GLI3: variants seen among roughly 807,000 people sequenced by gnomAD.
The protein encoded by GLI3 is transcription activator GLI3.
Under a neutral mutation model 100.8 loss-of-function variants are expected in GLI3, and 20 were observed. That is an observed-to-expected ratio of 0.20 (90% CI 0.14 to 0.29). The LOEUF is 0.29. Among genes scored for constraint, GLI3 ranks in the 10% least tolerant of loss-of-function variants. The pLI, the probability that GLI3 is intolerant of heterozygous loss-of-function variation, is 1.00. For synonymous variants in GLI3, 938 were observed against 860.5 expected (o/e 1.09, Z -1.58); for missense variants, 2,040 against 2,128.5 (o/e 0.96, Z 0.82).
At chr7:42,033,169 C>A (rs369510864) in intron 7 of GLI3, among the ~76,000 whole-genome samples, 2 of 152,324 alleles carry the variant, frequency 1.3e-5, no homozygotes, top group East Asian at 3.9e-4. Context: ...GGTAATCACA[C>A]TCCATCACAA....
At chr7:42,186,314 G>A (rs780800503) in intron 2 of GLI3, among the ~76,000 whole-genome samples, 15 of 152,162 alleles carry the variant, frequency 9.9e-5, no homozygotes, top group Non-Finnish European at 1.6e-4. Context: ...CACCCTAGTT[G>A]GAATTCCTTA....
intron 3 of GLI3, among the ~76,000 whole-genome samples, chr7:42,078,879 G>A (rs566189187): frequency 8.1e-4 from 123 of 151,916 alleles, no homozygotes; most frequent in Admixed American, 1.2e-3. Context: ...ACAGGCGCCC[G>A]CCACCACGCC....
At chr7:42,092,466 G>A (rs987462529) in intron 3 of GLI3, among the ~76,000 whole-genome samples, 1 of 152,172 alleles carries the variant, frequency 6.6e-6, no homozygotes, top group Non-Finnish European at 1.5e-5. Flanking sequence ...GCTCAGAAGT[G>A]GAGACAACGC....
intron 2 of GLI3, among the ~76,000 whole-genome samples, chr7:42,184,981 A>G (rs7810189): frequency 0.13 from 19,264 of 152,074 alleles, 1,584 homozygotes; most frequent in Non-Finnish European, 0.18. Context: ...AACATCCTGC[A>G]CACAAAACTC....
Position 41,966,235 on chromosome 7 carries a change from G to T in GLI3, c.2838C>A (p.Pro946=). The T allele has an allele frequency of 6.2e-7, 1 of 1,608,908 alleles. No homozygotes were observed. ...TCTTCAGGCTCATCCTCTCCATGTTGGGCAGGGGCGTCGGCGGCGGCCCTC... is the reference window on the plus strand; with the variant it reads ...TCTTCAGGCTCATCCTCTCCATGTTTGGCAGGGGCGTCGGCGGCGGCCCTC... ...ATGGPPPTPL[P]NMERMSLKTR... Residue 946 remains proline, a synonymous_variant, in exon 15 of 15, where the codon CCC becomes CCA. Transcript: ENST00000395925. The surrounding 1 kb of genome is among the most constrained non-coding windows in gnomAD (Gnocchi z 5.8).
chr7:42,254,351 A>G (rs1789064629), intron 1 of GLI3, among the ~76,000 whole-genome samples: 1 of 152,196 alleles, frequency 6.6e-6, no homozygotes, highest in Admixed American at 6.5e-5. Flanking sequence ...GCCATAGCGA[A>G]AGAGTGGCCA....
At chr7:42,070,733 T>C (rs186226403) in intron 4 of GLI3, among the ~76,000 whole-genome samples, 1 of 152,370 alleles carries the variant, frequency 6.6e-6, no homozygotes, top group South Asian at 2.1e-4. Flanking sequence ...TCTATTCATC[T>C]CTTTTTTGCC....
In GLI3 at chr7:41,964,188, A is replaced by C. The variant is rs1787090343; in HGVS notation, c.*142T>G. ...TTTCAGAGTCCTTTTCCATAAAAGGAATATAATTGAAACACATCTCAGTTA... is the reference window on the plus strand; with the variant it reads ...TTTCAGAGTCCTTTTCCATAAAAGGCATATAATTGAAACACATCTCAGTTA... On this transcript the variant is annotated 3_prime_UTR_variant, in exon 15 of 15. Coordinates refer to ENST00000395925, the MANE Select transcript of GLI3 (RefSeq NM_000168.6). 1.5e-6 allele frequency: 1 copy of C among 670,382 alleles called. No homozygotes were observed. The highest frequency in any genetic ancestry group is 2.6e-6 in the Non-Finnish European group (1 of 387,350). The allele number at this position is 670,382 out of a possible 1,614,324, so 41.5% of individuals were successfully genotyped here. A position where few individuals can be genotyped will look rare whatever the true frequency, so the allele number is the denominator to read the frequency against.
intron 2 of GLI3, among the ~76,000 whole-genome samples, chr7:42,209,980 G>T (rs1788231198): frequency 4.1e-5 from 1 of 24,546 alleles, no homozygotes. Context: ...ATCTCTTTAA[G>T]AATCTGAAAA....
chr7:42,131,458 G>T (rs967891995), intron 3 of GLI3, among the ~76,000 whole-genome samples: 7 of 152,166 alleles, frequency 4.6e-5, no homozygotes, highest in Non-Finnish European at 1.5e-5. Context: ...ATCGCCATTG[G>T]GTGATTTAAG....
chr7:41,984,099 T>C (rs1301940574), intron 10 of GLI3, among the ~76,000 whole-genome samples: 2 of 152,144 alleles, frequency 1.3e-5, no homozygotes, highest in East Asian at 1.9e-4. Flanking sequence ...CGGAGTTTCT[T>C]TGGGAAGCCG....
At chr7:41,989,398 T>C (rs987261656) in intron 10 of GLI3, among the ~76,000 whole-genome samples, 4 of 152,076 alleles carry the variant, frequency 2.6e-5, no homozygotes, top group Non-Finnish European at 5.9e-5. Context: ...TGCAGTTAAA[T>C]CCCAATTTCC....
intron 2 of GLI3, among the ~76,000 whole-genome samples, chr7:42,201,327 A>C (rs1788034760): frequency 6.6e-6 from 1 of 152,044 alleles, no homozygotes; most frequent in Admixed American, 6.6e-5. Context: ...GTAAGGAGGG[A>C]CTCCTGTAAT....
At chr7:42,240,208 C>T (rs1322615048), upstream of GLI3, among the ~76,000 whole-genome samples, 1 of 152,168 alleles carries the variant, frequency 6.6e-6, no homozygotes, top group African/African-American at 2.4e-5. Context: ...GACTTATTGC[C>T]ATCTCTCATC....
intron 13 of GLI3, among the ~76,000 whole-genome samples, chr7:41,969,831 G>A (rs774309527): frequency 7.9e-5 from 12 of 152,230 alleles, no homozygotes; most frequent in Non-Finnish European, 1.6e-4. Context: ...CTTCCTCAAA[G>A]AAGGTGGTGC....
chr7:42,015,378 T>C (rs185147699), intron 10 of GLI3, among the ~76,000 whole-genome samples: 2 of 152,296 alleles, frequency 1.3e-5, no homozygotes, highest in East Asian at 1.9e-4. Flanking sequence ...TACAGTTCTC[T>C]TCTCTTGCAA....
At chr7:42,069,682 G>C (rs1265863891) in intron 4 of GLI3, among the ~76,000 whole-genome samples, 1 of 152,148 alleles carries the variant, frequency 6.6e-6, no homozygotes, top group Non-Finnish European at 1.5e-5. Context: ...AGATGGAGAG[G>C]GGGTGTTATT....
chr7:42,066,240 C>T (rs1336146829), intron 4 of GLI3, among the ~76,000 whole-genome samples: 1 of 152,114 alleles, frequency 6.6e-6, no homozygotes, highest in Non-Finnish European at 1.5e-5. Flanking sequence ...GGACAAAGAC[C>T]TCATCAAAGG....
intron 10 of GLI3, among the ~76,000 whole-genome samples, chr7:42,021,802 T>C (rs144306787): frequency 6.6e-6 from 1 of 152,364 alleles, no homozygotes; most frequent in Non-Finnish European, 1.5e-5. Context: ...TGTTCTATAA[T>C]GGCAGCTTTT....
Sources: allele counts gnomAD v4.1 joint callset (sites outside exome capture counted in the v4.1 genomes callset), GRCh38; gene constraint gnomAD v4.1.1; non-coding constraint Gnocchi (gnomAD v3.1); transcripts MANE v1.5; gene names NCBI Gene and HGNC (gene_info 2026-07-23, HGNC 2026-07-21).